FAM149B1: variants seen among roughly 807,000 people sequenced by gnomAD.
FAM149B1 encodes family with sequence similarity 149 member B1, also known as primary cilium assembly protein FAM149B1.
A neutral mutation model predicts 75.3 loss-of-function variants in FAM149B1; 56 were observed. That is an observed-to-expected ratio of 0.74 (90% confidence interval 0.60 to 0.93). The LOEUF is 0.93. Ranked by LOEUF, FAM149B1 falls within the 40% of genes least tolerant of loss-of-function variation. The pLI is 0.00. For synonymous variants in FAM149B1, 259 were observed against 256.1 expected, an observed-to-expected ratio of 1.01 and a Z score of -0.11; for missense variants, 639 against 708.4, an observed-to-expected ratio of 0.90 and a Z score of 1.11.
At position 73,200,416 on chromosome 10, in the gene FAM149B1, C is replaced by T. The variant is rs138374234; in HGVS notation, c.542+6823C>T. 759 of 609,148 alleles carry T rather than the reference C, an allele frequency of 1.2e-3. 2 individuals are homozygous for T. Among genetic ancestry groups the T allele is most frequent in the African/African-American group, 0.012 (673 of 54,508 alleles). The allele number at this position is 609,148 out of a possible 1,614,324, so 37.7% of individuals were successfully genotyped here. On this transcript the variant is annotated intron_variant, in intron 5 of 13. Coordinates refer to ENST00000242505, the MANE Select transcript of FAM149B1 (RefSeq NM_173348.2). Reference sequence around the variant, plus strand: ...ATATGGGAGCAACCTGTCATGCCTGCATTGGTGGAACAAATGTTCAAAATG... The same window carrying T: ...ATATGGGAGCAACCTGTCATGCCTGTATTGGTGGAACAAATGTTCAAAATG...
At chr10:73,199,086 T>C (rs1388365870) in intron 5 of FAM149B1, among the ~76,000 whole-genome samples, 2 of 152,230 alleles carry the variant, frequency 1.3e-5, no homozygotes, top group Non-Finnish European at 1.5e-5. Context: ...TTATCCTCCA[T>C]GCATGTGGGA....
At chr10:73,233,798 G>A (rs1436281635) in intron 10 of FAM149B1, among the ~76,000 whole-genome samples, 1 of 152,292 alleles carries the variant, frequency 6.6e-6, no homozygotes, top group East Asian at 1.9e-4. Flanking sequence ...TTTCCGTGCT[G>A]GGAACATATT....
intron 2 of FAM149B1, among the ~76,000 whole-genome samples, chr10:73,177,217 T>A (rs1186906210): frequency 4.0e-5 from 6 of 151,364 alleles, no homozygotes; most frequent in Non-Finnish European, 8.8e-5. Flanking sequence ...AAATAAAAAA[T>A]AAAAAGTGCC....
At chr10:73,174,070 A>AT (rs915792502) in intron 1 of FAM149B1, among the ~76,000 whole-genome samples, 3 of 152,166 alleles carry the variant, frequency 2.0e-5, no homozygotes, top group Non-Finnish European at 2.9e-5. Context: ...GTTAAAGGAC[A>AT]TTTGAGTTGT....
In FAM149B1 at chr10:73,236,177, C is replaced by G. The variant is rs115117722; in HGVS notation, c.1602+859C>G. Among the ~76,000 whole-genome samples, 426 of 152,160 alleles carry G rather than the reference C, an allele frequency of 2.8e-3. 1 individual carries two copies. The highest frequency in any genetic ancestry group is 9.9e-3 in the African/African-American group (409 of 41,478). ...AGTGGTAAGGATAATCAATATCAGA[C>G]CTCTGTATTAGTTTCCTAGGGCTTA... On this transcript the variant is annotated intron_variant, in intron 12 of 13. Coordinates refer to ENST00000242505, the MANE Select transcript of FAM149B1 (RefSeq NM_173348.2).
In FAM149B1 at chr10:73,210,509, A is replaced by G. The variant is rs562410978; in HGVS notation, c.898+71A>G. 3.6e-5 allele frequency: 40 copies of G among 1,112,530 alleles called. No individual in the cohort carries two copies. The African/African-American group carries it at 6.1e-4, about 17-fold the overall frequency. The allele number at this position is 1,112,530 out of a possible 1,614,324, so 68.9% of individuals were successfully genotyped here. The stretch of plus-strand genomic sequence containing the variant: ...TTCTAAACCCTAACCAGTCTATTAG[A>G]TGATATGCTTCTTAGTGCAAAAGGT... On this transcript the variant is annotated intron_variant, in intron 7 of 13. Transcript: ENST00000242505.
intron 5 of FAM149B1, chr10:73,199,970 A>G (rs1016151198): frequency 1.5e-5 from 3 of 193,626 alleles, no homozygotes; most frequent in African/African-American, 4.7e-5. Context: ...TCTTTGGGGT[A>G]TCTATGCTTA....
intron 1 of FAM149B1, among the ~76,000 whole-genome samples, chr10:73,170,905 G>GA (rs1271999539): frequency 1.3e-5 from 2 of 151,672 alleles, no homozygotes; most frequent in African/African-American, 4.8e-5. Flanking sequence ...ATCTTGTATG[G>GA]AAAAAAATGA....
chr10:73,203,785 G>A (rs1480901032), intron 5 of FAM149B1, among the ~76,000 whole-genome samples: 1 of 151,968 alleles, frequency 6.6e-6, no homozygotes, highest in Non-Finnish European at 1.5e-5. Flanking sequence ...GACTATAGGT[G>A]CATGCCACCA....
chr10:73,240,774 C>T (rs1363088832), intron 13 of FAM149B1, among the ~76,000 whole-genome samples, 172 bp from the exon 14 acceptor site: 2 of 151,426 alleles, frequency 1.3e-5, no homozygotes, highest in African/African-American at 4.9e-5. Flanking sequence ...GTGAGTAAAT[C>T]AGACATCTTG....
chr10:73,237,996 C>A (rs115125541), intron 12 of FAM149B1, among the ~76,000 whole-genome samples: 4,756 of 152,186 alleles, frequency 0.031, 245 homozygotes, highest in African/African-American at 0.1. Context: ...CTTACCATTT[C>A]TCTCCCCATT....
intron 3 of FAM149B1, among the ~76,000 whole-genome samples, chr10:73,185,392 TA>T (rs1276103004): frequency 2.6e-5 from 4 of 152,038 alleles, no homozygotes; most frequent in Non-Finnish European, 4.4e-5. Context: ...CTATGAAAAC[TA>T]AAACAATTAG....
chr10:73,202,326 C>A (rs1463926932), intron 5 of FAM149B1, among the ~76,000 whole-genome samples: 1 of 151,982 alleles, frequency 6.6e-6, no homozygotes, highest in Non-Finnish European at 1.5e-5. Context: ...TTAGAAATTC[C>A]TATTTATTTT....
intron 5 of FAM149B1, among the ~76,000 whole-genome samples, chr10:73,205,719 A>G: frequency 6.6e-6 from 1 of 151,882 alleles, no homozygotes; most frequent in East Asian, 1.9e-4. Context: ...GTGCCTGGCT[A>G]ATTTTTGTAT....
intron 1 of FAM149B1, among the ~76,000 whole-genome samples, chr10:73,173,357 A>G (rs762081253): frequency 6.6e-6 from 1 of 152,134 alleles, no homozygotes; most frequent in Non-Finnish European, 1.5e-5. Context: ...GTGTGTGTGT[A>G]TGTGTGTATA....
rs1285255932 is a variant in FAM149B1 at position 73,208,621 on chromosome 10, T to A, written c.545T>A (p.Phe182Tyr). 6.7e-7 allele frequency: 1 copy of A among 1,499,486 alleles called. No individual in the cohort carries two copies. Among genetic ancestry groups the A allele is most frequent in the East Asian group, 2.5e-5 (1 of 39,972 alleles). 92.9% of individuals were successfully genotyped at this position (1,499,486 alleles called of 1,614,324 possible). A position where few individuals can be genotyped will look rare whatever the true frequency, so the allele number is the denominator to read the frequency against. Reference protein sequence around the residue: ...TLSQERDSTIFGIRGKKLHFS... With the variant: ...TLSQERDSTIYGIRGKKLHFS... ...TTACTTCTTTTTTCCACTCCAAGAT[T>A]TGGTATAAGGGGAAAGAAGTTACAT... is the stretch of plus-strand genomic sequence containing the variant. Residue 182 changes from phenylalanine (F) to tyrosine (Y), a missense_variant and splice_region_variant, in exon 6 of 14, where the codon TTT (phenylalanine) becomes TAT (tyrosine). Physicochemically the swap from Phe to Tyr is conservative, Grantham distance 22 (BLOSUM62 3). Transcript: ENST00000242505.
At chr10:73,184,639 A>G (rs1041189989) in intron 3 of FAM149B1, among the ~76,000 whole-genome samples, 1 of 152,242 alleles carries the variant, frequency 6.6e-6, no homozygotes, top group African/African-American at 2.4e-5. Flanking sequence ...ATATCCTCAA[A>G]TATTTGGCAA....
rs2043981125 is a variant in FAM149B1 at position 73,244,007 on chromosome 10, A to G, written c.*2988A>G. 3.4e-6 allele frequency: 4 copies of G among 1,178,834 alleles called. No individual in the cohort carries two copies. Among genetic ancestry groups the G allele is most frequent in the South Asian group, 1.3e-5 (1 of 75,408 alleles). The allele number at this position is 1,178,834 out of a possible 1,614,324, so 73.0% of individuals were successfully genotyped here. On this transcript the variant is annotated 3_prime_UTR_variant, in exon 14 of 14. Transcript: ENST00000242505. ...CATACTCTTTCCCAAAAGCAAATCTATAATTCTGTTTCAATTTTATGAATA... is the reference window on the plus strand; with the variant it reads ...CATACTCTTTCCCAAAAGCAAATCTGTAATTCTGTTTCAATTTTATGAATA...
At chr10:73,192,800 C>A in intron 4 of FAM149B1, 102 bp downstream of exon 4, 1 of 1,115,374 alleles carries the variant, frequency 9.0e-7, no homozygotes, top group Non-Finnish European at 1.2e-6. Context: ...ATGAGCATGA[C>A]TTTAATGAAT....
Sources: allele counts gnomAD v4.1 joint callset (sites outside exome capture counted in the v4.1 genomes callset), GRCh38; gene constraint gnomAD v4.1.1; transcripts MANE v1.5; gene names NCBI Gene and HGNC (gene_info 2026-07-23, HGNC 2026-07-21).